The following CREB3L2 variants were observed in gnomAD, a reference collection of about 807,000 sequenced individuals.
CREB3L2 encodes cAMP responsive element binding protein 3 like 2.
CREB3L2 carries 23 observed loss-of-function variants against 57.2 expected under a neutral mutation model. The observed-to-expected ratio is 0.40, with a 90% CI of 0.29 to 0.57. The LOEUF (loss-of-function observed/expected upper bound fraction) is 0.57, where lower values mean the gene tolerates loss of function less well. Ranked by LOEUF, CREB3L2 falls within the 20% of genes least tolerant of loss-of-function variation. CREB3L2 has a pLI of 0.42. For missense variants in CREB3L2, 628 were observed against 634.7 expected (o/e 0.99, Z 0.11); for synonymous variants, 268 against 265.1 (o/e 1.01, Z -0.11).
chr7:137,982,026 G>T (rs1260159632), intron 1 of CREB3L2, among the ~76,000 whole-genome samples: 2 of 152,060 alleles, frequency 1.3e-5, no homozygotes, highest in South Asian at 2.1e-4. Flanking sequence ...AGGGGGATGG[G>T]GCTGCACAAT....
Position 137,901,887 on chromosome 7 carries a change from A to AAAAAAAG in CREB3L2, c.975-466_975-465insCTTTTTT, listed in dbSNP as rs927603934. On this transcript the variant is annotated intron_variant, in intron 7 of 11. Coordinates refer to ENST00000330387, the MANE Select transcript of CREB3L2 (RefSeq NM_194071.4). ...CAAGATCTGTCTCAAAAAAAAAAAA[A>AAAAAAAG]AAAAAGAAAAATAGAAGGAGCTGGG... 3.4e-5 allele frequency among the ~76,000 whole-genome samples: 5 copies of AAAAAAAG among 148,936 alleles called. 1 individual carries two copies. Among genetic ancestry groups the AAAAAAAG allele is most frequent in the East Asian group, 2.0e-4 (1 of 5,116 alleles).
intron 8 of CREB3L2, among the ~76,000 whole-genome samples, chr7:137,889,871 T>C (rs1799499495): frequency 6.6e-6 from 1 of 152,172 alleles, no homozygotes; most frequent in Admixed American, 6.5e-5. Flanking sequence ...TACGCTAAAA[T>C]ACTAAGCAAG....
intron 1 of CREB3L2, among the ~76,000 whole-genome samples, chr7:137,969,013 C>A (rs1175253004): frequency 1.3e-5 from 2 of 152,132 alleles, no homozygotes; most frequent in Non-Finnish European, 2.9e-5. Context: ...ACGAAGAAGA[C>A]GTGGCGCCCC....
rs1366982520 is a variant in CREB3L2 at position 137,876,103 on chromosome 7, T to G, written c.*4373A>C. 1 of 232,250 alleles carries G rather than the reference T, an allele frequency of 4.3e-6. No homozygotes were observed. Among genetic ancestry groups the G allele is most frequent in the Non-Finnish European group, 8.5e-6 (1 of 117,290 alleles). 14.4% of individuals were successfully genotyped at this position (232,250 alleles called of 1,614,324 possible). ...CTCCTGCAAACTGGGATTTTCCTAA[T>G]GGACGTAACCCTATTTCTTTTCTCC... On this transcript the variant is annotated 3_prime_UTR_variant, in exon 12 of 12. Coordinates refer to ENST00000330387, the MANE Select transcript of CREB3L2 (RefSeq NM_194071.4).
Position 137,892,347 on chromosome 7 carries a change from TA to T in CREB3L2, c.1044-6846del, listed in dbSNP as rs779212071. 5.7e-3 allele frequency among the ~76,000 whole-genome samples: 762 copies of T among 133,156 alleles called. 4 individuals are homozygous for T. The highest frequency in any genetic ancestry group is 0.019 in the East Asian group (84 of 4,456). The allele number at this position is 133,156 out of a possible 152,430, so 87.4% of individuals were successfully genotyped here. On this transcript the variant is annotated intron_variant, in intron 8 of 11. Coordinates refer to ENST00000330387, the MANE Select transcript of CREB3L2 (RefSeq NM_194071.4). Reference sequence around the variant, plus strand: ...GTGTTACTTATCTAATGCACACAATTAAAAAAAAAAAAAAACAACTTGGTCA... The same window carrying T: ...GTGTTACTTATCTAATGCACACAATTAAAAAAAAAAAAAACAACTTGGTCA...
intron 1 of CREB3L2, among the ~76,000 whole-genome samples, chr7:137,939,251 C>T (rs756227165): frequency 2.8e-4 from 43 of 152,140 alleles, no homozygotes; most frequent in Admixed American, 7.9e-4. Context: ...GTATCTGATC[C>T]TCACAAGACG....
intron 1 of CREB3L2, chr7:137,955,287 G>A: frequency 2.3e-6 from 3 of 1,289,118 alleles, no homozygotes; most frequent in South Asian, 2.5e-5. Context: ...TTTCTCTAAG[G>A]AGCAAGCAGC....
At chr7:137,895,179 G>A (rs758792240) in intron 8 of CREB3L2, among the ~76,000 whole-genome samples, 11 of 152,188 alleles carry the variant, frequency 7.2e-5, no homozygotes, top group Non-Finnish European at 1.5e-4. Flanking sequence ...CACTCATGCA[G>A]AAGAAAACTA....
intron 1 of CREB3L2, among the ~76,000 whole-genome samples, chr7:137,954,162 T>C (rs901121718): frequency 2.0e-5 from 3 of 152,156 alleles, no homozygotes; most frequent in Admixed American, 6.5e-5. Context: ...TGTCTACGCA[T>C]GAGGGATAAC....
chr7:137,896,986 C>T (rs1009182198), intron 8 of CREB3L2, among the ~76,000 whole-genome samples: 1 of 152,102 alleles, frequency 6.6e-6, no homozygotes, highest in African/African-American at 2.4e-5. Flanking sequence ...TCAAAGAATA[C>T]AAACTTTCAG....
chr7:137,937,306 T>G (rs1385828311), intron 1 of CREB3L2, among the ~76,000 whole-genome samples: 2 of 152,174 alleles, frequency 1.3e-5, no homozygotes, highest in African/African-American at 4.8e-5. Context: ...CAAATTCACA[T>G]TAGAAACCAA....
intron 1 of CREB3L2, among the ~76,000 whole-genome samples, chr7:137,991,822 C>T (rs1439249655): frequency 1.3e-5 from 2 of 151,562 alleles, no homozygotes; most frequent in Admixed American, 1.3e-4. Flanking sequence ...GCACAAGAAT[C>T]ACTTGATCCT....
At chr7:137,954,691 G>T (rs1310746555) in intron 1 of CREB3L2, among the ~76,000 whole-genome samples, 1 of 152,134 alleles carries the variant, frequency 6.6e-6, no homozygotes, top group South Asian at 2.1e-4. Flanking sequence ...AAAGAGTTTG[G>T]AATGCTCATG....
At chr7:137,996,108 C>T (rs920157493) in intron 1 of CREB3L2, among the ~76,000 whole-genome samples, 2 of 152,238 alleles carry the variant, frequency 1.3e-5, no homozygotes, top group African/African-American at 4.8e-5. Flanking sequence ...CAAATATTCG[C>T]CCACTACTAC....
At chr7:137,931,935 T>C (rs917034622) in intron 1 of CREB3L2, among the ~76,000 whole-genome samples, 1 of 152,230 alleles carries the variant, frequency 6.6e-6, no homozygotes, top group African/African-American at 2.4e-5. Context: ...TTTTCTTTCT[T>C]TTTCTCAAGA....
intron 8 of CREB3L2, among the ~76,000 whole-genome samples, chr7:137,895,668 C>T (rs1163208192): frequency 1.1e-5 from 1 of 87,870 alleles, no homozygotes; most frequent in Non-Finnish European, 2.4e-5. Flanking sequence ...GAAAACCATA[C>T]TCAGGATTGA....
At chr7:137,975,577 G>A (rs1210884136) in intron 1 of CREB3L2, among the ~76,000 whole-genome samples, 1 of 152,058 alleles carries the variant, frequency 6.6e-6, no homozygotes, top group Non-Finnish European at 1.5e-5. Context: ...TGCACACTTC[G>A]GGGAGGACCA....
intron 4 of CREB3L2, among the ~76,000 whole-genome samples, chr7:137,911,617 C>T (rs1800006953): frequency 6.6e-6 from 1 of 152,196 alleles, no homozygotes. Flanking sequence ...ATGGGAGGAT[C>T]ACTTGAGCTC....
At chr7:137,969,617 C>G (rs1162745383) in intron 1 of CREB3L2, among the ~76,000 whole-genome samples, 2 of 152,016 alleles carry the variant, frequency 1.3e-5, no homozygotes, top group African/African-American at 2.4e-5. Flanking sequence ...TCCCAAAGTG[C>G]TGGGATTACA....
Sources: allele counts gnomAD v4.1 joint callset (sites outside exome capture counted in the v4.1 genomes callset), GRCh38; gene constraint gnomAD v4.1.1; transcripts MANE v1.5; gene names NCBI Gene and HGNC (gene_info 2026-07-23, HGNC 2026-07-21).